MBNL2: variants seen among roughly 807,000 people sequenced by gnomAD.
The protein encoded by MBNL2 is muscleblind like splicing regulator 2, also known as muscleblind-like protein 2.
MBNL2 carries 17 observed loss-of-function variants against 41.9 expected under a neutral mutation model. That is an observed-to-expected ratio of 0.41 (90% CI 0.28 to 0.61). The LOEUF (loss-of-function observed/expected upper bound fraction) is 0.61. MBNL2 is among the 20% of genes least tolerant of loss of function. The pLI is 0.35. For synonymous variants in MBNL2, 195 were observed against 182.9 expected (o/e 1.07, Z -0.53); for missense variants, 336 against 505.6 (o/e 0.66, Z 3.22).
chr13:97,155,393 T>TA, the MBNL2 span, among the ~76,000 whole-genome samples: 2 of 139,386 alleles, frequency 1.4e-5, no homozygotes, highest in African/African-American at 2.7e-5. Context: ...TTTTTTTTTT[T>TA]ATTTTTTTTT....
the MBNL2 span, among the ~76,000 whole-genome samples, chr13:97,145,170 A>G: frequency 6.6e-6 from 1 of 152,208 alleles, no homozygotes; most frequent in South Asian, 2.1e-4. Context: ...AACAACTCCA[A>G]TGAGCAACCT....
At chr13:97,191,467 G>T in the MBNL2 span, among the ~76,000 whole-genome samples, 6 of 151,360 alleles carry the variant, frequency 4.0e-5, no homozygotes, top group Non-Finnish European at 8.8e-5. Context: ...TTTCATGGCT[G>T]TGGGACGGAC....
At chr13:97,167,154 G>C in the MBNL2 span, among the ~76,000 whole-genome samples, 2 of 152,100 alleles carry the variant, frequency 1.3e-5, no homozygotes, top group African/African-American at 2.4e-5. Context: ...TCTATATTGA[G>C]AATAGCAATT....
intron 3 of MBNL2, among the ~76,000 whole-genome samples, chr13:97,340,685 T>C (rs9513237): frequency 0.61 from 92,248 of 151,914 alleles, 30,682 homozygotes; most frequent in African/African-American, 0.9. Flanking sequence ...AGTGTCAGAG[T>C]GCTAGGTTTG....
intron 2 of MBNL2, among the ~76,000 whole-genome samples, chr13:97,280,857 G>T (rs569376541): frequency 4.8e-4 from 73 of 152,322 alleles, no homozygotes; most frequent in African/African-American, 1.7e-3. Flanking sequence ...GATTAAAAAT[G>T]TCAGCTTGTG....
chr13:97,162,128 C>A, the MBNL2 span, among the ~76,000 whole-genome samples: 6 of 152,024 alleles, frequency 3.9e-5, no homozygotes, highest in African/African-American at 1.4e-4. Context: ...TTTAAATAAC[C>A]AGATCTCATG....
chr13:97,260,691 G>A (rs760393107), intron 1 of MBNL2, among the ~76,000 whole-genome samples: 1 of 152,108 alleles, frequency 6.6e-6, no homozygotes. Context: ...TGTCTAGTGG[G>A]TTTTAAAGCC....
chr13:97,317,480 TG>T (rs1420586371), intron 2 of MBNL2, among the ~76,000 whole-genome samples: 1 of 152,238 alleles, frequency 6.6e-6, no homozygotes, highest in East Asian at 1.9e-4. Flanking sequence ...TTCCCTCATC[TG>T]GGGCTTTAGT....
At chr13:97,194,572 G>C in the MBNL2 span, among the ~76,000 whole-genome samples, 1 of 152,084 alleles carries the variant, frequency 6.6e-6, no homozygotes, top group African/African-American at 2.4e-5. Flanking sequence ...AGACCGACTG[G>C]GCTGCATTCC....
At chr13:97,365,620 T>C (rs1352913295) in intron 8 of MBNL2, among the ~76,000 whole-genome samples, 1 of 152,238 alleles carries the variant, frequency 6.6e-6, no homozygotes, top group African/African-American at 2.4e-5. Context: ...AATGGATGTA[T>C]TTTGAAACCG....
chr13:97,329,736 AC>A (rs1160368205), intron 2 of MBNL2, among the ~76,000 whole-genome samples: 10 of 115,718 alleles, frequency 8.6e-5, no homozygotes, highest in African/African-American at 3.2e-4. Context: ...AACATACAAC[AC>A]ATACACCATA....
At chr13:97,162,937 A>C in the MBNL2 span, among the ~76,000 whole-genome samples, 1 of 152,174 alleles carries the variant, frequency 6.6e-6, no homozygotes, top group Non-Finnish European at 1.5e-5. Flanking sequence ...GGTCGTGAGA[A>C]TCTTGTTTCC....
chr13:97,171,293 A>T, the MBNL2 span, among the ~76,000 whole-genome samples: 1 of 152,222 alleles, frequency 6.6e-6, no homozygotes, highest in Non-Finnish European at 1.5e-5. Context: ...ACATAACTAT[A>T]GAGGCATAGA....
chr13:97,173,430 C>T, the MBNL2 span, among the ~76,000 whole-genome samples: 1 of 152,204 alleles, frequency 6.6e-6, no homozygotes, highest in Admixed American at 6.5e-5. Context: ...GGACTTAGTG[C>T]ACAAATGATT....
chr13:97,227,079 A>C (rs140932723), intron 1 of MBNL2, among the ~76,000 whole-genome samples: 5,026 of 143,422 alleles, frequency 0.035, 129 homozygotes, highest in South Asian at 0.13. Flanking sequence ...AAAAAAAAAT[A>C]TATTTCCTTT....
At chr13:97,158,608 T>C in the MBNL2 span, among the ~76,000 whole-genome samples, 3 of 151,258 alleles carry the variant, frequency 2.0e-5, no homozygotes, top group Non-Finnish European at 4.4e-5. Context: ...TTTGTTCTCA[T>C]TGGTTTCAAA....
chr13:97,377,933 G>A (rs767082413), intron 8 of MBNL2, among the ~76,000 whole-genome samples: 1 of 152,150 alleles, frequency 6.6e-6, no homozygotes, highest in Admixed American at 6.5e-5. Flanking sequence ...CCATCTTTCC[G>A]CTGCTTATGT....
At chr13:97,154,533 C>T in the MBNL2 span, among the ~76,000 whole-genome samples, 2 of 152,222 alleles carry the variant, frequency 1.3e-5, no homozygotes, top group East Asian at 3.9e-4. Flanking sequence ...CCAGCCTGGT[C>T]TTGAACTCCT....
chr13:97,384,660 C>T (rs1183567212), intron 8 of MBNL2, among the ~76,000 whole-genome samples: 1 of 152,190 alleles, frequency 6.6e-6, no homozygotes, highest in African/African-American at 2.4e-5. Flanking sequence ...GGAGGGTGAG[C>T]AACGTGCGAG....
Sources: allele counts gnomAD v4.1 joint callset (sites outside exome capture counted in the v4.1 genomes callset), GRCh38; gene constraint gnomAD v4.1.1; transcripts MANE v1.5; gene names NCBI Gene and HGNC (gene_info 2026-07-23, HGNC 2026-07-21).